Variants in ACAN observed in about 807,000 individuals in gnomAD.
ACAN encodes aggrecan.
ACAN carries 47 observed loss-of-function variants against 169.1 expected under a neutral mutation model. The ratio of observed to expected loss-of-function variants is 0.28; its 90% confidence interval spans 0.22 to 0.35. The LOEUF is 0.35. Among genes scored for constraint, ACAN ranks in the 10% least tolerant of loss-of-function variants. The pLI is 1.00. For synonymous variants in ACAN, 1,115 were observed against 1,112.2 expected, an observed-to-expected ratio of 1.00 and a Z score of -0.05; for missense variants, 2,716 against 2,759.9, an observed-to-expected ratio of 0.98 and a Z score of 0.36.
At position 88,866,345 on chromosome 15, in the gene ACAN, C is replaced by T. The variant is rs1001955480; in HGVS notation, c.6947-1871C>T. Reference sequence around the variant, plus strand: ...GCTTAATTCCCCTTGCCCAGTGCTTCCCATCTCCCATAATGACGCTAATGG... The same window carrying T: ...GCTTAATTCCCCTTGCCCAGTGCTTTCCATCTCCCATAATGACGCTAATGG... On this transcript the variant is annotated intron_variant, in intron 13 of 18. Coordinates refer to ENST00000560601, the MANE Select transcript of ACAN (RefSeq NM_001369268.1). This position sits in a 1 kb window ranked among gnomAD's most constrained non-coding sequence, Gnocchi z 5.6. 3.3e-5 allele frequency among the ~76,000 whole-genome samples: 5 copies of T among 152,162 alleles called. No homozygotes were observed. Among genetic ancestry groups the T allele is most frequent in the Non-Finnish European group, 2.9e-5 (2 of 68,034 alleles).
chr15:88,811,784 A>C (rs930621263), intron 1 of ACAN, among the ~76,000 whole-genome samples: 1 of 152,138 alleles, frequency 6.6e-6, no homozygotes, highest in Non-Finnish European at 1.5e-5. Context: ...GGTGAACAGC[A>C]GCCCCCTGGA....
At chr15:88,828,165 C>T (rs1055381792) in intron 1 of ACAN, among the ~76,000 whole-genome samples, 4 of 151,990 alleles carry the variant, frequency 2.6e-5, no homozygotes, top group Non-Finnish European at 4.4e-5. Context: ...CATGGGGCCT[C>T]AAGGAAGGTG....
rs1390628485 is a variant in ACAN, at chr15:88,814,550, T to C, written c.-8+10741T>C. ...GACGAAAGCCAGGGCTGGCTCCTGA[T>C]AGGCCTGGAAAGTGTGGCAGGTTCT... is the stretch of plus-strand genomic sequence containing the variant. On this transcript the variant is annotated intron_variant, in intron 1 of 18. Coordinates refer to ENST00000560601, the MANE Select transcript of ACAN (RefSeq NM_001369268.1). The surrounding 1 kb of genome is among the most constrained non-coding windows in gnomAD (Gnocchi z 4.0). Among the ~76,000 whole-genome samples the C allele has an allele frequency of 6.6e-6, 1 of 152,166 alleles. No individual in the cohort carries two copies. The highest frequency in any genetic ancestry group is 1.5e-5 in the Non-Finnish European group (1 of 68,016).
chr15:88,845,863 G>A lies in ACAN; in HGVS notation c.1410G>A (p.Gly470=). The change falls in exon 7 of 19, where the codon GGG becomes GGA. Residue 470 remains glycine, a synonymous_variant. Transcript: ENST00000560601. ...DLVVQVTAVP[G]QPHLPGGVVF... Reference sequence around the variant, plus strand: ...TCGTGCAGGTGACCGCTGTCCCTGGGCAGCCGCATTTGCCAGGGGGTAAGT... The same window carrying A: ...TCGTGCAGGTGACCGCTGTCCCTGGACAGCCGCATTTGCCAGGGGGTAAGT... 6.9e-7 allele frequency: 1 copy of A among 1,457,464 alleles called. No homozygotes were observed. 90.3% of individuals were successfully genotyped at this position (1,457,464 alleles called of 1,614,324 possible).
rs1421777815 is a variant in ACAN at position 88,843,717 on chromosome 15, T to A, written c.1051+69T>A. The A allele has an allele frequency of 1.4e-5, 21 of 1,495,304 alleles. No individual in the cohort carries two copies. The South Asian group carries it at 2.4e-4, about 17-fold the overall frequency. The allele number at this position is 1,495,304 out of a possible 1,614,324, so 92.6% of individuals were successfully genotyped here. A position where few individuals can be genotyped will look rare whatever the true frequency, so the allele number is the denominator to read the frequency against. ...ATGGGGTCCTAGAGGGAAGAGGGGA[T>A]CTTGGAAAGGGAGGGTTGGTTTTTG... On this transcript the variant is annotated intron_variant, in intron 6 of 18. Transcript: ENST00000560601. The surrounding 1 kb of genome is among the most constrained non-coding windows in gnomAD (Gnocchi z 4.0).
At chr15:88,832,332 A>G (rs1896385545) in intron 1 of ACAN, among the ~76,000 whole-genome samples, 1 of 151,540 alleles carries the variant, frequency 6.6e-6, no homozygotes, top group Non-Finnish European at 1.5e-5. Context: ...TAGAATGGCC[A>G]GGTACCATGG....
Position 88,858,742 on chromosome 15 carries a change from G to A in ACAN, c.6157G>A (p.Glu2053Lys), listed in dbSNP as rs547217291. ...TGTTACTGAACCAACTATTTCTCAG[G>A]AACTAGGCCAAAGGCCCCCTGTGAC... ...EGVTEPTISQELGQRPPVTHT... is the reference protein window; with the variant it reads ...EGVTEPTISQKLGQRPPVTHT... Residue 2053 changes from glutamate to lysine, a missense_variant, in exon 12 of 19, where the codon GAA becomes AAA. Physicochemically the swap from Glu to Lys is moderately conservative, Grantham distance 56. Coordinates refer to ENST00000560601, the MANE Select transcript of ACAN (RefSeq NM_001369268.1). This position sits in a 1 kb window ranked among gnomAD's most constrained non-coding sequence, Gnocchi z 4.0. 7 of 1,613,854 alleles carry A rather than the reference G, an allele frequency of 4.3e-6. No homozygotes were observed. The South Asian group carries it at 6.6e-5, about 15-fold the overall frequency.
chr15:88,860,278 C>A (rs1596149420), intron 12 of ACAN, 48 bp from the exon 13 acceptor site: 2 of 1,396,840 alleles, frequency 1.4e-6, no homozygotes, highest in Non-Finnish European at 2.0e-6. Context: ...GCCATGGTAG[C>A]CAGGTGACTG....
At position 88,873,594 on chromosome 15, in the gene ACAN, C is replaced by T. The variant is rs1490923506; in HGVS notation, c.7448-248C>T. 3.7e-6 allele frequency: 2 copies of T among 538,660 alleles called. No individual in the cohort carries two copies. Among genetic ancestry groups the T allele is most frequent in the Non-Finnish European group, 6.6e-6 (2 of 301,218 alleles). The allele number at this position is 538,660 out of a possible 1,614,324, so 33.4% of individuals were successfully genotyped here. A position where few individuals can be genotyped will look rare whatever the true frequency, so the allele number is the denominator to read the frequency against. The stretch of plus-strand genomic sequence containing the variant: ...GCTCTCGCCCTCCACACCTTTCTAC[C>T]TCCCTTTCATCTTCTCTTCATCCCT... On this transcript the variant is annotated intron_variant, in intron 17 of 18. Coordinates refer to ENST00000560601, the MANE Select transcript of ACAN (RefSeq NM_001369268.1). This position sits in a 1 kb window ranked among gnomAD's most constrained non-coding sequence, Gnocchi z 7.5.
rs1897315383 is a variant in ACAN at position 88,868,397 on chromosome 15, C to T, written c.7060+68C>T. ...CCCCCTCCTCCTCCCTCACCTTTCC[C>T]TCCTAACAACAGGCTCCAGGCCCTG... On this transcript the variant is annotated intron_variant, in intron 14 of 18. Transcript: ENST00000560601. The surrounding 1 kb of genome is among the most constrained non-coding windows in gnomAD (Gnocchi z 5.2). 3 of 669,912 alleles carry T rather than the reference C, an allele frequency of 4.5e-6. No individual in the cohort carries two copies. The highest frequency in any genetic ancestry group is 3.2e-5 in the South Asian group (2 of 61,890). 41.5% of individuals were successfully genotyped at this position (669,912 alleles called of 1,614,324 possible).
At position 88,849,809 on chromosome 15, in the gene ACAN, ACCCAGTAT is replaced by A. The variant is rs1896892184; in HGVS notation, c.2026+83_2026+90del. ...ACTGGGTTCACCGGATCCTGCCACCACCCAGTATCCCATCCATCAGAGCAAGAAAATGT... is the reference window on the plus strand; with the variant it reads ...ACTGGGTTCACCGGATCCTGCCACCACCCATCCATCAGAGCAAGAAAATGT... On this transcript the variant is annotated intron_variant, in intron 10 of 18. Coordinates refer to ENST00000560601, the MANE Select transcript of ACAN (RefSeq NM_001369268.1). The surrounding 1 kb of genome is among the most constrained non-coding windows in gnomAD (Gnocchi z 5.1). The A allele has an allele frequency of 1.3e-6, 2 of 1,533,482 alleles. No homozygotes were observed. The highest frequency in any genetic ancestry group is 1.8e-6 in the Non-Finnish European group (2 of 1,127,666). 95.0% of individuals were successfully genotyped at this position (1,533,482 alleles called of 1,614,324 possible).
In ACAN at chr15:88,855,000, A is replaced by G; in HGVS notation, c.2415A>G (p.Pro805=). The change falls in exon 12 of 19, where the codon CCA becomes CCG. Residue 805 remains proline, a synonymous_variant. Coordinates refer to ENST00000560601, the MANE Select transcript of ACAN (RefSeq NM_001369268.1). The stretch of plus-strand genomic sequence containing the variant: ...AGGAGCCATCCCCCTCAGAGGAACC[A>G]TTCCCCTCAGTGAGGCCATTCCCCT... ...PSEEPSPSEE[P]FPSVRPFPSV... is the part of the protein sequence containing the mutation. The G allele has an allele frequency of 6.3e-7, 1 of 1,595,622 alleles. No homozygotes were observed. The highest frequency in any genetic ancestry group is 8.5e-7 in the Non-Finnish European group (1 of 1,171,906).
At chr15:88,844,641 G>A (rs1404541705) in intron 6 of ACAN, among the ~76,000 whole-genome samples, 1 of 152,158 alleles carries the variant, frequency 6.6e-6, no homozygotes, top group East Asian at 1.9e-4. Flanking sequence ...CCAAAGTGCT[G>A]GGCTTGCATG....
At chr15:88,829,321 A>G (rs575590225) in intron 1 of ACAN, among the ~76,000 whole-genome samples, 3 of 152,324 alleles carry the variant, frequency 2.0e-5, no homozygotes, top group Non-Finnish European at 4.4e-5. Flanking sequence ...CAGAAGGGAA[A>G]ACTGTAAACT....
chr15:88,821,541 T>TG (rs1301560223), intron 1 of ACAN, among the ~76,000 whole-genome samples: 4 of 152,178 alleles, frequency 2.6e-5, no homozygotes, highest in African/African-American at 9.7e-5. Context: ...CAGCACCTGC[T>TG]ACAGAGTCTT....
At chr15:88,825,778 A>T (rs749989615) in intron 1 of ACAN, among the ~76,000 whole-genome samples, 1 of 92,928 alleles carries the variant, frequency 1.1e-5, no homozygotes. Context: ...CCTAAACCCC[A>T]GCCTGCTCCT....
chr15:88,836,325 T>G (rs768643230), intron 2 of ACAN, 49 bp downstream of exon 2: 3 of 1,496,070 alleles, frequency 2.0e-6, no homozygotes, highest in Admixed American at 1.7e-5. Flanking sequence ...GCATGAGTAG[T>G]GGGTTTGAGT....
chr15:88,874,451 T>A lies in ACAN; in HGVS notation c.7677T>A (p.Pro2559=). The change falls in exon 19 of 19, where the codon CCT becomes CCA. Residue 2559 remains proline, a synonymous_variant. Coordinates refer to ENST00000560601, the MANE Select transcript of ACAN (RefSeq NM_001369268.1). The surrounding 1 kb of genome is among the most constrained non-coding windows in gnomAD (Gnocchi z 7.3). ...RRLQKRSSRH[P]RRSRPSTAH ...TACAGAAGCGGAGCTCACGGCACCC[T>A]CGGAGGAGCCGCCCCAGCACAGCCC... 4 of 1,606,822 alleles carry A rather than the reference T, an allele frequency of 2.5e-6. No homozygotes were observed. Among genetic ancestry groups the A allele is most frequent in the Non-Finnish European group, 3.4e-6 (4 of 1,177,198 alleles).
chr15:88,863,297 C>T (rs2141621932), intron 13 of ACAN, among the ~76,000 whole-genome samples: 1 of 152,296 alleles, frequency 6.6e-6, no homozygotes, highest in South Asian at 2.1e-4. Flanking sequence ...TCCCCACTTC[C>T]ATTACTGACA....
Sources: allele counts gnomAD v4.1 joint callset (sites outside exome capture counted in the v4.1 genomes callset), GRCh38; gene constraint gnomAD v4.1.1; non-coding constraint Gnocchi (gnomAD v3.1); transcripts MANE v1.5; gene names NCBI Gene and HGNC (gene_info 2026-07-23, HGNC 2026-07-21).